The following FAM168A variants were observed in gnomAD, a reference collection of about 807,000 sequenced individuals.
FAM168A encodes the protein family with sequence similarity 168 member A, also known as protein FAM168A.
Under a neutral mutation model 28.5 loss-of-function variants are expected in FAM168A, and 3 were observed. That is an observed-to-expected ratio of 0.11 (90% CI 0.05 to 0.27). FAM168A has a LOEUF of 0.27. Among genes scored for constraint, FAM168A ranks in the 10% least tolerant of loss-of-function variants. The pLI, the probability that FAM168A is intolerant of heterozygous loss-of-function variation, is 1.00. For synonymous variants in FAM168A, 122 were observed against 124.2 expected (o/e 0.98, Z 0.12); for missense variants, 222 against 311.5 (o/e 0.71, Z 2.16).
chr11:73,583,837 A>C (rs1944277497), intron 1 of FAM168A, among the ~76,000 whole-genome samples: 1 of 152,198 alleles, frequency 6.6e-6, no homozygotes, highest in Non-Finnish European at 1.5e-5. Context: ...GAAGTTGGGG[A>C]GAGGATCTTG....
chr11:73,583,066 AG>A (rs1052064320), intron 1 of FAM168A, among the ~76,000 whole-genome samples: 17 of 152,344 alleles, frequency 1.1e-4, no homozygotes, highest in African/African-American at 4.1e-4. Flanking sequence ...GCACCTTGGG[AG>A]GCCAAGGCAG....
At chr11:73,583,603 T>C (rs2134738299) in intron 1 of FAM168A, among the ~76,000 whole-genome samples, 1 of 152,176 alleles carries the variant, frequency 6.6e-6, no homozygotes, top group East Asian at 1.9e-4. Flanking sequence ...GAAAACCTTC[T>C]GGAAAAGGTT....
chr11:73,567,891 C>A (rs976206153), intron 1 of FAM168A, among the ~76,000 whole-genome samples: 2 of 152,128 alleles, frequency 1.3e-5, no homozygotes, highest in African/African-American at 4.8e-5. Context: ...TGGAGCAGAA[C>A]CTCTGCCCAC....
intron 1 of FAM168A, among the ~76,000 whole-genome samples, chr11:73,541,503 G>A (rs1406654881): frequency 2.0e-5 from 3 of 151,784 alleles, no homozygotes; most frequent in Non-Finnish European, 4.4e-5. Flanking sequence ...CTCCCGAGCA[G>A]CTGGGACTAC....
intron 1 of FAM168A, among the ~76,000 whole-genome samples, chr11:73,574,436 A>G (rs1944145880): frequency 6.6e-6 from 1 of 152,202 alleles, no homozygotes; most frequent in South Asian, 2.1e-4. Flanking sequence ...GAGTATAAAA[A>G]AATACATCAT....
In FAM168A at chr11:73,401,069, C is replaced by G. The variant is rs1483024945; in HGVS notation, c.*5694G>C. ...CTTTGATCAAACTACTTGGAAGACA[C>G]TGGTCAAAGGTTTATTATTATTATT... On this transcript the variant is annotated 3_prime_UTR_variant, in exon 8 of 8. Transcript: ENST00000356467. 6.8e-6 allele frequency: 1 copy of G among 146,018 alleles called. No homozygotes were observed. Among genetic ancestry groups the G allele is most frequent in the African/African-American group, 2.6e-5 (1 of 37,996 alleles). 9.0% of individuals were successfully genotyped at this position (146,018 alleles called of 1,614,324 possible). A position where few individuals can be genotyped will look rare whatever the true frequency, so the allele number is the denominator to read the frequency against.
chr11:73,435,418 T>C lies in FAM168A; in HGVS notation c.71-4648A>G, dbSNP rs562252182. ...ATGTCTTTCACTTTAGGGGCAATTA[T>C]AGGATGTTCCTTCAATGTTTCCAAG... On this transcript the variant is annotated intron_variant, in intron 2 of 7. Coordinates refer to ENST00000356467, the MANE Select transcript of FAM168A (RefSeq NM_015159.3). Among the ~76,000 whole-genome samples the C allele has an allele frequency of 3.3e-5, 5 of 152,376 alleles. No homozygotes were observed. The South Asian group carries it at 1.0e-3, about 32-fold the overall frequency.
intron 1 of FAM168A, among the ~76,000 whole-genome samples, chr11:73,548,790 G>A (rs749393512): frequency 2.0e-5 from 3 of 151,894 alleles, no homozygotes; most frequent in South Asian, 2.1e-4. Context: ...ACAGGTGTGC[G>A]CCACCAAGGC....
At chr11:73,496,906 C>CACAT (rs111432229) in intron 1 of FAM168A, among the ~76,000 whole-genome samples, 1 of 145,652 alleles carries the variant, frequency 6.9e-6, no homozygotes, top group African/African-American at 2.7e-5. Context: ...CACACACACA[C>CACAT]GCACACACAC....
chr11:73,574,626 G>C (rs1944149090), intron 1 of FAM168A, among the ~76,000 whole-genome samples: 1 of 151,256 alleles, frequency 6.6e-6, no homozygotes, highest in African/African-American at 2.4e-5. Context: ...GCGATGACAT[G>C]ATCTTGGCTC....
chr11:73,412,442 T>C (rs1030047605), intron 4 of FAM168A: 6 of 152,186 alleles, frequency 3.9e-5, no homozygotes, highest in African/African-American at 1.2e-4. Flanking sequence ...CCCATGTAAA[T>C]AAACTGTGCT....
chr11:73,540,045 T>C (rs573624615), intron 1 of FAM168A, among the ~76,000 whole-genome samples: 1 of 152,348 alleles, frequency 6.6e-6, no homozygotes, highest in Admixed American at 6.5e-5. Context: ...CCCAAGCTGC[T>C]ATTTTTGTAC....
chr11:73,424,798 A>T (rs1266932529), intron 3 of FAM168A, among the ~76,000 whole-genome samples: 2 of 152,076 alleles, frequency 1.3e-5, no homozygotes, highest in Non-Finnish European at 2.9e-5. Context: ...TAGTGCCATG[A>T]TCCTTTGCTG....
chr11:73,570,502 G>A (rs958841788), intron 1 of FAM168A, among the ~76,000 whole-genome samples: 1 of 152,058 alleles, frequency 6.6e-6, no homozygotes, highest in African/African-American at 2.4e-5. Flanking sequence ...AACACTTAAG[G>A]AGGCCAAGGC....
chr11:73,411,565 A>C (rs1379248111), intron 4 of FAM168A, 29 bp from the exon 5 acceptor site: 1 of 1,613,594 alleles, frequency 6.2e-7, no homozygotes, highest in Non-Finnish European at 8.5e-7. Flanking sequence ...AGAGACTTCC[A>C]GTTAGTTGGC....
intron 2 of FAM168A, among the ~76,000 whole-genome samples, chr11:73,453,118 A>G (rs1867462641): frequency 6.6e-6 from 1 of 152,256 alleles, no homozygotes; most frequent in South Asian, 2.1e-4. Context: ...ATCAATCCAG[A>G]GATGAATTCA....
intron 3 of FAM168A, chr11:73,424,943 G>T: frequency 8.2e-7 from 1 of 1,212,464 alleles, no homozygotes; most frequent in Non-Finnish European, 1.1e-6. Flanking sequence ...TTGGGGAGGA[G>T]AGGAGAGGGG....
At chr11:73,445,119 C>T (rs949233527) in intron 2 of FAM168A, among the ~76,000 whole-genome samples, 1 of 151,756 alleles carries the variant, frequency 6.6e-6, no homozygotes, top group Non-Finnish European at 1.5e-5. Flanking sequence ...ATTAGCTGGG[C>T]GTGGTGGTGC....
intron 1 of FAM168A, among the ~76,000 whole-genome samples, chr11:73,563,065 G>T (rs1263068184): frequency 1.3e-5 from 2 of 152,092 alleles, no homozygotes; most frequent in African/African-American, 4.8e-5. Context: ...TGATGCAATG[G>T]ATTAGTGAAG....
Sources: allele counts gnomAD v4.1 joint callset (sites outside exome capture counted in the v4.1 genomes callset), GRCh38; gene constraint gnomAD v4.1.1; transcripts MANE v1.5; gene names NCBI Gene and HGNC (gene_info 2026-07-23, HGNC 2026-07-21).